The following TRIO variants were observed in gnomAD, a reference collection of about 807,000 sequenced individuals.
The protein encoded by TRIO is trio Rho guanine nucleotide exchange factor.
TRIO carries 58 observed loss-of-function variants against 351.9 expected under a neutral mutation model. The ratio of observed to expected loss-of-function variants is 0.16; its 90% CI spans 0.13 to 0.21. TRIO has a LOEUF of 0.21. Among genes scored for constraint, TRIO ranks in the 10% least tolerant of loss-of-function variants. The pLI, the probability that TRIO is intolerant of heterozygous loss-of-function variation, is 1.00. For synonymous variants in TRIO, 1,758 were observed against 1,595.7 expected, an observed-to-expected ratio of 1.10 and a Z score of -2.42; for missense variants, 3,201 against 4,027.8, an observed-to-expected ratio of 0.79 and a Z score of 5.56.
chr5:14,434,137 T>A (rs1281459997), intron 34 of TRIO, among the ~76,000 whole-genome samples: 1 of 152,200 alleles, frequency 6.6e-6, no homozygotes, highest in African/African-American at 2.4e-5. Flanking sequence ...AAGAGAAGGC[T>A]ACATAAAAAG....
rs748843537 is a variant in TRIO at position 14,374,182 on chromosome 5, T to A, written c.3217-47T>A. On this transcript the variant is annotated intron_variant, in intron 18 of 56. Transcript: ENST00000344204. ...CAGTGATGTGTACTCCAAATACACG[T>A]TTGTAGAAGTCAAATTAGCAACACA... 6 of 1,493,080 alleles carry A rather than the reference T, an allele frequency of 4.0e-6. No individual in the cohort carries two copies. In the East Asian group the frequency reaches 1.4e-4, roughly 34 times the overall value. 92.5% of individuals were successfully genotyped at this position (1,493,080 alleles called of 1,614,324 possible).
chr5:14,335,042 T>TAC (rs58939303), intron 10 of TRIO, among the ~76,000 whole-genome samples: 2 of 152,110 alleles, frequency 1.3e-5, no homozygotes, highest in African/African-American at 4.8e-5. Flanking sequence ...TGTGTGTGTG[T>TAC]ACACATGCGC....
At chr5:14,389,174 C>A in intron 24 of TRIO, 115 bp from the exon 25 acceptor site, 1 of 757,070 alleles carries the variant, frequency 1.3e-6, no homozygotes, top group South Asian at 2.3e-5. Context: ...GGGTCCAGTC[C>A]TTAGTTATAC....
chr5:14,150,879 G>T (rs1787788464), intron 1 of TRIO, among the ~76,000 whole-genome samples: 1 of 152,136 alleles, frequency 6.6e-6, no homozygotes, highest in African/African-American at 2.4e-5. Flanking sequence ...GGGAAATAAA[G>T]ATTCTTTCCT....
rs1756441108 is a variant in TRIO at position 14,490,981 on chromosome 5, G to A, written c.7633-1586G>A. 5.3e-5 allele frequency among the ~76,000 whole-genome samples: 8 copies of A among 152,278 alleles called. No individual in the cohort carries two copies. In the South Asian group the frequency reaches 1.7e-3, roughly 32 times the overall value. On this transcript the variant is annotated intron_variant, in intron 48 of 56. Transcript: ENST00000344204. ...TCCCTGTACAGCACGCTTTTTTGCT[G>A]AAGAGCCACAGGCAAACAGTGGGCA...
At chr5:14,339,662 G>A (rs1030286197) in intron 11 of TRIO, among the ~76,000 whole-genome samples, 6 of 152,182 alleles carry the variant, frequency 3.9e-5, no homozygotes, top group South Asian at 2.1e-4. Context: ...CAGGACACAC[G>A]TGTGCCCGTG....
rs1016492019 is a variant in TRIO at position 14,143,650 on chromosome 5, C to G, written c.-76C>G. 1.5e-5 allele frequency: 11 copies of G among 716,726 alleles called. No individual in the cohort carries two copies. In the African/African-American group the frequency reaches 1.9e-4, roughly 13 times the overall value. The allele number at this position is 716,726 out of a possible 1,614,324, so 44.4% of individuals were successfully genotyped here. A position where few individuals can be genotyped will look rare whatever the true frequency, so the allele number is the denominator to read the frequency against. On this transcript the variant is annotated 5_prime_UTR_variant, in exon 1 of 57. Transcript: ENST00000344204. ...GCTGGGTGCTCGGCGCCGCCAGGCC[C>G]GGCGCGGAGCGGGCGGCACGCGGCG...
Position 14,504,594 on chromosome 5 carries a change from G to A in TRIO, c.8612+1G>A. 1 of 1,614,042 alleles carries A rather than the reference G, an allele frequency of 6.2e-7. No homozygotes were observed. The highest frequency in any genetic ancestry group is 8.5e-7 in the Non-Finnish European group (1 of 1,179,988). ...CCAGCTACATCCTGGTCTTAGAAAT[G>A]TGCGTACACACCTGGCCTTCCCTCT... is the stretch of plus-strand genomic sequence containing the variant. On this transcript the variant is annotated splice_donor_variant, in intron 55 of 56. Coordinates refer to ENST00000344204, the MANE Select transcript of TRIO (RefSeq NM_007118.4). LOFTEE classifies it high-confidence loss of function.
chr5:14,353,970 G>A (rs1719690952), intron 11 of TRIO, among the ~76,000 whole-genome samples: 1 of 152,194 alleles, frequency 6.6e-6, no homozygotes, highest in Non-Finnish European at 1.5e-5. Flanking sequence ...ATTTTGCAGA[G>A]GTCCCCACCC....
chr5:14,199,737 A>G (rs1000953635), intron 1 of TRIO, among the ~76,000 whole-genome samples: 1 of 152,062 alleles, frequency 6.6e-6, no homozygotes, highest in Non-Finnish European at 1.5e-5. Context: ...TTTACTACCA[A>G]AGCTTTGCTG....
intron 1 of TRIO, among the ~76,000 whole-genome samples, chr5:14,232,309 C>T (rs1793488935): frequency 1.3e-5 from 2 of 152,202 alleles, no homozygotes; most frequent in South Asian, 4.1e-4. Flanking sequence ...TTCCATACCA[C>T]TCCCCCCAAC....
intron 24 of TRIO, among the ~76,000 whole-genome samples, chr5:14,388,885 G>C (rs1222768381): frequency 1.3e-5 from 2 of 152,122 alleles, no homozygotes; most frequent in Non-Finnish European, 2.9e-5. Context: ...TTACAGAGAT[G>C]ATACAGCATT....
At chr5:14,187,257 A>G (rs898063884) in intron 1 of TRIO, among the ~76,000 whole-genome samples, 1 of 152,250 alleles carries the variant, frequency 6.6e-6, no homozygotes, top group African/African-American at 2.4e-5. Flanking sequence ...TAGCATTAAC[A>G]AGGACTACAG....
rs1023456783 is a variant in TRIO, at chr5:14,504,494, C to T, written c.8513C>T (p.Thr2838Ile). 13 of 1,614,030 alleles carry T rather than the reference C, an allele frequency of 8.1e-6. No homozygotes were observed. The highest frequency in any genetic ancestry group is 1.1e-5 in the Non-Finnish European group (13 of 1,180,028). Residue 2838 changes from threonine to isoleucine, a missense_variant, in exon 55 of 57, where the codon ACC (threonine) becomes ATC (isoleucine). Around this residue, in one of 19 missense-constraint regions of TRIO, gnomAD observed 1,089 missense variants for 954.9 expected, o/e 1.14. Coordinates refer to ENST00000344204, the MANE Select transcript of TRIO (RefSeq NM_007118.4). Reference sequence around the variant, plus strand: ...AAGTTGATGAAGCGCGACCAGGTCACCCATGAGCTTGGCATCCTGCAGAGC... The same window carrying T: ...AAGTTGATGAAGCGCGACCAGGTCATCCATGAGCTTGGCATCCTGCAGAGC... ...NKKLMKRDQV[T>I]HELGILQSLQ...
At chr5:14,413,195 C>A (rs906201321) in intron 33 of TRIO, among the ~76,000 whole-genome samples, 1 of 152,174 alleles carries the variant, frequency 6.6e-6, no homozygotes, top group African/African-American at 2.4e-5. Context: ...TTGTTAGGAT[C>A]TGGAAGCTGT....
chr5:14,405,145 C>T (rs1438538136), intron 31 of TRIO, among the ~76,000 whole-genome samples: 1 of 150,730 alleles, frequency 6.6e-6, no homozygotes, highest in Admixed American at 6.6e-5. Flanking sequence ...TCTGCAGGTG[C>T]TTGCTGACAA....
At chr5:14,260,001 G>A (rs1795251036) in intron 1 of TRIO, among the ~76,000 whole-genome samples, 1 of 152,194 alleles carries the variant, frequency 6.6e-6, no homozygotes, top group South Asian at 2.1e-4. Flanking sequence ...TAGATTAACT[G>A]AAGTAACTTA....
At chr5:14,505,331 T>G (rs147485424) in intron 55 of TRIO, among the ~76,000 whole-genome samples, 1 of 152,228 alleles carries the variant, frequency 6.6e-6, no homozygotes, top group African/African-American at 2.4e-5. Flanking sequence ...ACAACCCCCA[T>G]GGATTCATCC....
intron 47 of TRIO, among the ~76,000 whole-genome samples, chr5:14,486,634 G>T (rs74737386): frequency 1.3e-5 from 2 of 152,114 alleles, no homozygotes; most frequent in South Asian, 4.1e-4. Flanking sequence ...CAGATTGCAC[G>T]CATGGTCTGT....
Sources: allele counts gnomAD v4.1 joint callset (sites outside exome capture counted in the v4.1 genomes callset), GRCh38; gene constraint gnomAD v4.1.1; regional missense constraint gnomAD v4.1.1; transcripts MANE v1.5; gene names NCBI Gene and HGNC (gene_info 2026-07-23, HGNC 2026-07-21).